Variants in NXPH2 observed in about 807,000 individuals in gnomAD.
The protein encoded by NXPH2 is neurexophilin-2.
Under a neutral mutation model 19.8 loss-of-function variants are expected in NXPH2, and 5 were observed. The ratio of observed to expected loss-of-function variants is 0.25; its 90% CI spans 0.13 to 0.53. The LOEUF is 0.53. Among genes scored for constraint, NXPH2 ranks in the 20% least tolerant of loss-of-function variants. The pLI, the probability that NXPH2 is intolerant of heterozygous loss-of-function variation, is 0.96. For missense variants in NXPH2, 289 were observed against 322.8 expected (o/e 0.90, Z 0.80); for synonymous variants, 154 against 127.4 (o/e 1.21, Z -1.41).
intron 1 of NXPH2, among the ~76,000 whole-genome samples, chr2:138,694,450 T>A (rs1680797395): frequency 6.6e-6 from 1 of 152,120 alleles, no homozygotes; most frequent in Admixed American, 6.6e-5. Context: ...CCACTGACTC[T>A]GTGAAGACAG....
chr2:138,705,830 A>T (rs1681000494), intron 1 of NXPH2, among the ~76,000 whole-genome samples: 1 of 152,144 alleles, frequency 6.6e-6, no homozygotes, highest in Admixed American at 6.6e-5. Flanking sequence ...ATAGCTGAGG[A>T]TGTTTGTATT....
chr2:138,727,670 G>A (rs1681380127), intron 1 of NXPH2, among the ~76,000 whole-genome samples: 1 of 121,228 alleles, frequency 8.2e-6, no homozygotes, highest in Admixed American at 8.9e-5. Context: ...GGGCGGTGAG[G>A]CGGGGGGGGT....
At chr2:138,712,392 T>C (rs1444457475) in intron 1 of NXPH2, among the ~76,000 whole-genome samples, 2 of 152,174 alleles carry the variant, frequency 1.3e-5, no homozygotes, top group Non-Finnish European at 2.9e-5. Flanking sequence ...CTCATAACCT[T>C]AGGCCAAAGA....
chr2:138,775,065 T>A (rs190966257), intron 1 of NXPH2, among the ~76,000 whole-genome samples: 1 of 152,316 alleles, frequency 6.6e-6, no homozygotes, highest in Non-Finnish European at 1.5e-5. Context: ...AGAATGGCAA[T>A]TTAGTATACG....
chr2:138,755,787 T>A (rs552025910), intron 1 of NXPH2, among the ~76,000 whole-genome samples: 1 of 152,218 alleles, frequency 6.6e-6, no homozygotes, highest in South Asian at 2.1e-4. Context: ...CAATATTGAG[T>A]TTTCCAATTC....
intron 1 of NXPH2, among the ~76,000 whole-genome samples, chr2:138,677,242 A>G (rs1680497087): frequency 6.6e-6 from 1 of 152,172 alleles, no homozygotes; most frequent in African/African-American, 2.4e-5. Context: ...CCCCCATCAT[A>G]TTATAATAAT....
chr2:138,742,308 G>A (rs1681657991), intron 1 of NXPH2, among the ~76,000 whole-genome samples: 3 of 152,026 alleles, frequency 2.0e-5, no homozygotes, highest in Admixed American at 6.6e-5. Context: ...GAATCTACAT[G>A]GGTTCAAATA....
intron 1 of NXPH2, among the ~76,000 whole-genome samples, chr2:138,726,018 G>A (rs1036645856): frequency 6.6e-5 from 10 of 152,084 alleles, no homozygotes; most frequent in African/African-American, 2.4e-4. Context: ...CTCCCAAAGC[G>A]TGGCCAACTT....
At chr2:138,701,983 G>A (rs1680930297) in intron 1 of NXPH2, among the ~76,000 whole-genome samples, 1 of 152,168 alleles carries the variant, frequency 6.6e-6, no homozygotes, top group African/African-American at 2.4e-5. Flanking sequence ...CCGGTTTAAG[G>A]CAAAGCTAGT....
At chr2:138,690,597 C>A (rs1282123061) in intron 1 of NXPH2, among the ~76,000 whole-genome samples, 22 of 144,104 alleles carry the variant, frequency 1.5e-4, no homozygotes, top group African/African-American at 5.4e-4. Context: ...AAAAAAAAAA[C>A]AAAACTCAGA....
At chr2:138,707,409 G>A (rs1196754945) in intron 1 of NXPH2, among the ~76,000 whole-genome samples, 1 of 152,112 alleles carries the variant, frequency 6.6e-6, no homozygotes, top group African/African-American at 2.4e-5. Flanking sequence ...TTTCATGTAT[G>A]TTGGATATTT....
At chr2:138,708,598 CA>C (rs1681053360) in intron 1 of NXPH2, among the ~76,000 whole-genome samples, 1 of 152,166 alleles carries the variant, frequency 6.6e-6, no homozygotes, top group African/African-American at 2.4e-5. Context: ...TGAAAGACAA[CA>C]AATGTCTTTT....
chr2:138,738,364 T>C (rs1248702332), intron 1 of NXPH2, among the ~76,000 whole-genome samples: 1 of 152,182 alleles, frequency 6.6e-6, no homozygotes, highest in East Asian at 1.9e-4. Context: ...TGACACTTGG[T>C]GGACTCATTC....
At chr2:138,703,266 AAAATAAAATAT>A (rs1680959182) in intron 1 of NXPH2, among the ~76,000 whole-genome samples, 1 of 152,208 alleles carries the variant, frequency 6.6e-6, no homozygotes, top group Admixed American at 6.5e-5. Context: ...GATCATCAGT[AAAATAAAATAT>A]TAAAGCCATA....
At chr2:138,702,092 T>C (rs1275320658) in intron 1 of NXPH2, among the ~76,000 whole-genome samples, 1 of 152,088 alleles carries the variant, frequency 6.6e-6, no homozygotes, top group African/African-American at 2.4e-5. Context: ...TTTATTTCAT[T>C]TTTTCCTCAT....
intron 1 of NXPH2, among the ~76,000 whole-genome samples, chr2:138,700,884 A>T (rs10153824): frequency 0.031 from 4,668 of 152,186 alleles, 243 homozygotes; most frequent in African/African-American, 0.11. Flanking sequence ...TTCTAACTGC[A>T]GGAGAATTTC....
At chr2:138,766,689 G>A (rs922950654) in intron 1 of NXPH2, among the ~76,000 whole-genome samples, 2 of 152,044 alleles carry the variant, frequency 1.3e-5, no homozygotes, top group African/African-American at 4.8e-5. Flanking sequence ...AGCTCTCCCT[G>A]CTGAAAAGAC....
intron 1 of NXPH2, among the ~76,000 whole-genome samples, chr2:138,687,467 T>C (rs767735671): frequency 6.6e-6 from 1 of 152,110 alleles, no homozygotes; most frequent in Non-Finnish European, 1.5e-5. Flanking sequence ...GTCAGATGAG[T>C]AGATTGCAAA....
At position 138,756,878 on chromosome 2, in the gene NXPH2, G is replaced by A. The variant is rs72973270; in HGVS notation, c.51+23313C>T. ...ATAGCCTTAATTTTGGACCAATGAA[G>A]GAATGAAGCAATATTCAGTGGGTAT... On this transcript the variant is annotated intron_variant, in intron 1 of 1. Coordinates refer to ENST00000272641, the MANE Select transcript of NXPH2 (RefSeq NM_007226.3). 6.9e-3 allele frequency among the ~76,000 whole-genome samples: 1,053 copies of A among 152,170 alleles called. 8 individuals are homozygous for A. Among genetic ancestry groups the A allele is most frequent in the African/African-American group, 0.024 (995 of 41,526 alleles).
Sources: gnomAD v4.1 joint callset for allele counts (sites outside exome capture counted in the v4.1 genomes callset) on GRCh38, gnomAD v4.1.1 for gene constraint, MANE v1.5 for transcripts, NCBI Gene and HGNC (gene_info 2026-07-23, HGNC 2026-07-21) for gene names.